Variants in VPS41 observed in about 807,000 individuals in gnomAD.
VPS41 encodes the protein vacuolar protein sorting-associated protein 41 homolog.
A neutral mutation model predicts 130.9 loss-of-function variants in VPS41; 85 were observed. The ratio of observed to expected loss-of-function variants is 0.65; its 90% CI spans 0.55 to 0.78. The LOEUF is 0.78. Among genes scored for constraint, VPS41 ranks in the 30% least tolerant of loss-of-function variants. VPS41 has a pLI of 0.00. For missense variants in VPS41, 874 were observed against 1,018.7 expected (o/e 0.86, Z 1.93); for synonymous variants, 335 against 332.9 (o/e 1.01, Z -0.07).
chr7:38,773,967 A>C lies in VPS41; in HGVS notation c.1012+148T>G, dbSNP rs548014470. ...AGTTTTGCAACATCTCTGCATCCAA[A>C]TGTCCTTGTTTTCAGCACACACAGT... On this transcript the variant is annotated intron_variant, in intron 12 of 28. Coordinates refer to ENST00000310301, the MANE Select transcript of VPS41 (RefSeq NM_014396.4). The C allele has an allele frequency of 5.7e-5, 41 of 721,194 alleles. 1 individual carries two copies. Among genetic ancestry groups the C allele is most frequent in the Non-Finnish European group, 8.1e-5 (39 of 480,820 alleles). 44.7% of individuals were successfully genotyped at this position (721,194 alleles called of 1,614,324 possible). A position where few individuals can be genotyped will look rare whatever the true frequency, so the allele number is the denominator to read the frequency against.
chr7:38,727,529 T>C (rs148747718), intron 27 of VPS41, among the ~76,000 whole-genome samples: 42 of 152,266 alleles, frequency 2.8e-4, no homozygotes, highest in Admixed American at 1.6e-3. Context: ...CAGAGTAAAT[T>C]TGGAGTTAAA....
chr7:38,792,268 A>G (rs1358146844), intron 9 of VPS41, among the ~76,000 whole-genome samples: 2 of 152,166 alleles, frequency 1.3e-5, no homozygotes, highest in Non-Finnish European at 2.9e-5. Context: ...CAATGACTGT[A>G]AGAGCCCTTT....
chr7:38,826,151 C>T (rs967162913), intron 5 of VPS41, among the ~76,000 whole-genome samples: 1 of 152,146 alleles, frequency 6.6e-6, no homozygotes, highest in South Asian at 2.1e-4. Flanking sequence ...CTAGTTCCCC[C>T]CAGGGAGCTG....
chr7:38,741,520 C>T (rs971235570), intron 25 of VPS41, among the ~76,000 whole-genome samples: 5 of 152,176 alleles, frequency 3.3e-5, no homozygotes, highest in African/African-American at 9.7e-5. Context: ...TATATTTTAA[C>T]AGCTTTCAGG....
chr7:38,843,006 G>A (rs1209919427), intron 4 of VPS41, among the ~76,000 whole-genome samples: 2 of 152,186 alleles, frequency 1.3e-5, no homozygotes, highest in East Asian at 3.8e-4. Flanking sequence ...AGAGTCTGAG[G>A]CACATCTCAT....
chr7:38,821,578 G>A (rs566011481), intron 5 of VPS41, among the ~76,000 whole-genome samples: 11 of 151,926 alleles, frequency 7.2e-5, no homozygotes, highest in African/African-American at 1.9e-4. Flanking sequence ...GCATGGTGGC[G>A]TGCATCTGTA....
intron 22 of VPS41, among the ~76,000 whole-genome samples, chr7:38,747,700 A>T (rs1796014273): frequency 6.6e-6 from 1 of 152,254 alleles, no homozygotes. Context: ...GTTTAAATTG[A>T]TTAAAATTAA....
At chr7:38,744,425 C>A (rs749434954) in intron 23 of VPS41, among the ~76,000 whole-genome samples, 2 of 152,138 alleles carry the variant, frequency 1.3e-5, no homozygotes, top group Non-Finnish European at 2.9e-5. Context: ...AATGATATCC[C>A]ATTTGATACC....
At chr7:38,733,237 G>A (rs145635275) in intron 25 of VPS41, among the ~76,000 whole-genome samples, 3 of 152,266 alleles carry the variant, frequency 2.0e-5, no homozygotes, top group African/African-American at 7.2e-5. Flanking sequence ...ATGATTATAG[G>A]TCTATTCTAT....
chr7:38,763,297 C>T (rs1254700000), intron 17 of VPS41, among the ~76,000 whole-genome samples, 158 bp downstream of exon 17: 3 of 152,186 alleles, frequency 2.0e-5, no homozygotes, highest in Admixed American at 2.0e-4. Context: ...TCTACATAAA[C>T]ATGAGTTATA....
chr7:38,895,926 G>A (rs765324665), intron 2 of VPS41, among the ~76,000 whole-genome samples: 3 of 152,070 alleles, frequency 2.0e-5, no homozygotes, highest in Non-Finnish European at 2.9e-5. Context: ...GCCTCGGCTG[G>A]GTCTCAGCTG....
chr7:38,795,502 T>C lies in VPS41; in HGVS notation c.680A>G (p.Asn227Ser), dbSNP rs201085181. The change falls in exon 9 of 29, where the codon AAT becomes AGT. Residue 227 changes from asparagine to serine, a missense_variant. Asn to Ser is a conservative substitution (Grantham distance 46). Coordinates refer to ENST00000310301, the MANE Select transcript of VPS41 (RefSeq NM_014396.4). The part of the protein sequence containing the change: ...MYPCSLCWKD[N>S]VTLIIGWGTS... ...CCCCCAGCCAATAATCAGTGTCACA[T>C]TGTCCTTCCAGCAGAGGCTGCAGGG... The C allele has an allele frequency of 1.5e-4, 234 of 1,613,276 alleles. No homozygotes were observed. The highest frequency in any genetic ancestry group is 1.3e-4 in the Non-Finnish European group (155 of 1,179,594).
At chr7:38,736,342 G>A (rs540582361) in intron 25 of VPS41, among the ~76,000 whole-genome samples, 17 of 152,328 alleles carry the variant, frequency 1.1e-4, no homozygotes, top group African/African-American at 3.8e-4. Context: ...ACTATGTAAC[G>A]TATACAAGAA....
intron 25 of VPS41, among the ~76,000 whole-genome samples, chr7:38,735,783 C>A (rs1430381018): frequency 6.6e-6 from 1 of 152,144 alleles, no homozygotes; most frequent in Non-Finnish European, 1.5e-5. Flanking sequence ...ACAACTATTC[C>A]ATGAGACATT....
At chr7:38,852,194 C>G (rs1202769446) in intron 4 of VPS41, among the ~76,000 whole-genome samples, 1 of 152,102 alleles carries the variant, frequency 6.6e-6, no homozygotes, top group East Asian at 1.9e-4. Flanking sequence ...AATTAAGAAG[C>G]GAACACCACC....
intron 7 of VPS41, among the ~76,000 whole-genome samples, chr7:38,811,273 A>G (rs1162852110): frequency 1.3e-5 from 2 of 152,136 alleles, no homozygotes; most frequent in East Asian, 1.9e-4. Context: ...AACATGTAGA[A>G]AAAGGAAATT....
At position 38,745,584 on chromosome 7, in the gene VPS41, A is replaced by C; in HGVS notation, c.1956T>G (p.Phe652Leu). 6.2e-7 allele frequency: 1 copy of C among 1,608,464 alleles called. No individual in the cohort carries two copies. The highest frequency in any genetic ancestry group is 8.5e-7 in the Non-Finnish European group (1 of 1,178,572). ...TCAGAAGATAAACTGTCTCTTCTAC[A>C]AAGTTTCTCTGTTGACAGATCTCAA... ...KALEICQQRN[F>L]VEETVYLLSR... is the part of the protein sequence containing the mutation. The change falls in exon 23 of 29, where the codon TTT (phenylalanine) becomes TTG (leucine). Residue 652 changes from phenylalanine (F) to leucine (L), a missense_variant. Coordinates refer to ENST00000310301, the MANE Select transcript of VPS41 (RefSeq NM_014396.4).
At chr7:38,759,233 C>T (rs1465386900) in intron 17 of VPS41, among the ~76,000 whole-genome samples, 1 of 152,162 alleles carries the variant, frequency 6.6e-6, no homozygotes, top group East Asian at 1.9e-4. Context: ...ATGCTATCTT[C>T]ATGTAGACAG....
chr7:38,866,667 G>A (rs1279882442), intron 3 of VPS41, among the ~76,000 whole-genome samples: 2 of 152,182 alleles, frequency 1.3e-5, no homozygotes, highest in African/African-American at 4.8e-5. Context: ...TTCCAGTGAA[G>A]GTCAGTGTGC....
Sources: gnomAD v4.1 joint callset for allele counts (sites outside exome capture counted in the v4.1 genomes callset) on GRCh38, gnomAD v4.1.1 for gene constraint, MANE v1.5 for transcripts, NCBI Gene and HGNC (gene_info 2026-07-23, HGNC 2026-07-21) for gene names.